RFESD: variants seen among roughly 807,000 people sequenced by gnomAD.
RFESD encodes the protein Rieske domain-containing protein.
In RFESD, 16 loss-of-function variants were observed where a neutral mutation model predicts 24.4. The ratio of observed to expected loss-of-function variants is 0.66; its 90% CI spans 0.44 to 1.00. RFESD has a LOEUF of 1.00. RFESD is among the 50% of genes least tolerant of loss of function. The probability of loss-of-function intolerance (pLI) is 0.00; values close to 1 mark genes in which losing one functional copy is unlikely to be tolerated. For synonymous variants in RFESD, 59 were observed against 81.8 expected, an observed-to-expected ratio of 0.72 and a Z score of 1.50; for missense variants, 208 against 247.0, an observed-to-expected ratio of 0.84 and a Z score of 1.06.
intron 1 of RFESD, chr5:95,647,165 G>C (rs2112487028): frequency 6.6e-6 from 1 of 152,380 alleles, no homozygotes; most frequent in Non-Finnish European, 1.5e-5. Context: ...GGCCGTCCTG[G>C]AGATACTCGC....
intron 2 of RFESD, 105 bp from the exon 3 acceptor site, chr5:95,653,012 G>T: frequency 6.8e-7 from 1 of 1,475,346 alleles, no homozygotes; most frequent in South Asian, 1.4e-5. Context: ...TGCACAACCT[G>T]GCTCCTGCCT....
chr5:95,648,372 TTTCA>T (rs1409608824), intron 1 of RFESD, among the ~76,000 whole-genome samples: 2 of 152,210 alleles, frequency 1.3e-5, no homozygotes, highest in East Asian at 1.9e-4. Context: ...TAATTTTCTG[TTTCA>T]TTCAGTTAAG....
chr5:95,650,060 A>T (rs1336425486), intron 1 of RFESD, among the ~76,000 whole-genome samples: 1 of 152,244 alleles, frequency 6.6e-6, no homozygotes, highest in Non-Finnish European at 1.5e-5. Flanking sequence ...AAATAAAACC[A>T]GATGACCATT....
chr5:95,652,991 A>T, intron 2 of RFESD, 126 bp from the exon 3 acceptor site: 1 of 1,318,298 alleles, frequency 7.6e-7, no homozygotes, highest in South Asian at 1.5e-5. Flanking sequence ...AGTAAAATCC[A>T]TACACAGCAC....
chr5:95,655,507 C>T (rs41276253), intron 5 of RFESD: 2,902 of 152,730 alleles, frequency 0.019, 45 homozygotes, highest in Non-Finnish European at 0.031. Flanking sequence ...TACATTTAAA[C>T]AGAGAGACAT....
intron 1 of RFESD, among the ~76,000 whole-genome samples, chr5:95,649,294 T>G (rs757405107): frequency 3.7e-4 from 57 of 152,194 alleles, no homozygotes; most frequent in Non-Finnish European, 7.1e-4. Flanking sequence ...GAATTCCTTT[T>G]TAAATTTTTC....
At chr5:95,650,113 G>GA (rs1351100414) in intron 1 of RFESD, among the ~76,000 whole-genome samples, 3 of 152,086 alleles carry the variant, frequency 2.0e-5, no homozygotes, top group Non-Finnish European at 4.4e-5. Context: ...AGCTAACCCA[G>GA]AAAATCATGG....
In RFESD at chr5:95,652,815, C is replaced by T. The variant is rs756466338; in HGVS notation, c.61-302C>T. ...TATCCCCTACAGCATCAACCCCCTG[C>T]GGCAAGCCACCACCTTTTTCATGGA... On this transcript the variant is annotated intron_variant, in intron 2 of 5. Coordinates refer to ENST00000380005, the MANE Select transcript of RFESD (RefSeq NM_001131066.2). 1.7e-5 allele frequency: 6 copies of T among 351,258 alleles called. 1 individual carries two copies. Among genetic ancestry groups the T allele is most frequent in the South Asian group, 1.1e-4 (2 of 17,758 alleles). The allele number at this position is 351,258 out of a possible 1,614,324, so 21.8% of individuals were successfully genotyped here.
chr5:95,652,535 TCA>T (rs1374601607), intron 2 of RFESD: 6 of 599,498 alleles, frequency 1.0e-5, no homozygotes, highest in Non-Finnish European at 1.5e-5. Context: ...GCCTTTCTCC[TCA>T]CAGTCTTTGG....
In RFESD at chr5:95,657,459, AGAT is replaced by A. The variant is rs1283107770; in HGVS notation, c.*1156_*1158del. On this transcript the variant is annotated 3_prime_UTR_variant, in exon 6 of 6. Transcript: ENST00000380005. ...GGGACCAGAAATAGCTAAAATGAGT[AGAT>A]GATGAATTCAGAGTGAGAAGAACTG... is the stretch of plus-strand genomic sequence containing the variant. The A allele has an allele frequency of 6.6e-6, 1 of 151,884 alleles. No homozygotes were observed. The highest frequency in any genetic ancestry group is 1.9e-4 in the East Asian group (1 of 5,156). The allele number at this position is 151,884 out of a possible 1,614,324, so 9.4% of individuals were successfully genotyped here. A position where few individuals can be genotyped will look rare whatever the true frequency, so the allele number is the denominator to read the frequency against.
At chr5:95,648,608 A>C (rs988043052) in intron 1 of RFESD, among the ~76,000 whole-genome samples, 2 of 152,180 alleles carry the variant, frequency 1.3e-5, no homozygotes, top group African/African-American at 4.8e-5. Context: ...ATTATTTGAC[A>C]TATAAAATTA....
chr5:95,657,381 A>G lies in RFESD; in HGVS notation c.*1072A>G, dbSNP rs1224898895. On this transcript the variant is annotated 3_prime_UTR_variant, in exon 6 of 6. Transcript: ENST00000380005. The stretch of plus-strand genomic sequence containing the variant: ...CACCCACCATGCAAAAATCAGCAGC[A>G]CATAGTGGTGATTTTTGCATGGTCA... 1.3e-5 allele frequency: 2 copies of G among 151,884 alleles called. No homozygotes were observed. The highest frequency in any genetic ancestry group is 2.9e-5 in the Non-Finnish European group (2 of 67,918). The allele number at this position is 151,884 out of a possible 1,614,324, so 9.4% of individuals were successfully genotyped here.
intron 3 of RFESD, among the ~76,000 whole-genome samples, chr5:95,653,565 G>A (rs539285596): frequency 6.6e-6 from 1 of 152,318 alleles, no homozygotes; most frequent in African/African-American, 2.4e-5. Flanking sequence ...CAGTCTTTAA[G>A]AGTCTCTAAC....
intron 5 of RFESD, chr5:95,655,511 G>T (rs999115803): frequency 6.6e-6 from 1 of 152,664 alleles, no homozygotes; most frequent in Non-Finnish European, 1.5e-5. Context: ...TTTAAACAGA[G>T]AGACATGCAT....
In RFESD at chr5:95,656,078, CT is replaced by C. The variant is rs1750739310; in HGVS notation, c.403del (p.Trp135GlyfsTer18). On this transcript the variant is annotated frameshift_variant, in exon 6 of 6. Transcript: ENST00000380005. LOFTEE classifies it high-confidence loss of function. ...ATGGACGACCGTGTATAGTTTGCCC[CT>C]GGCATAAATACAAAATTACTTTGGC... ...FDGRPCIVCP[W>X]HKYKITLATG... is the part of the protein sequence containing the mutation. 6.2e-7 allele frequency: 1 copy of C among 1,613,462 alleles called. No individual in the cohort carries two copies. Among genetic ancestry groups the C allele is most frequent in the Non-Finnish European group, 8.5e-7 (1 of 1,179,630 alleles).
rs748022086 is a variant in RFESD, at chr5:95,657,286, G to A, written c.*977G>A. Reference sequence around the variant, plus strand: ...GGTTTTATCATGTCAGTTATTTATGGTCAGTACCATTCAGTTGCAATGATG... The same window carrying A: ...GGTTTTATCATGTCAGTTATTTATGATCAGTACCATTCAGTTGCAATGATG... On this transcript the variant is annotated 3_prime_UTR_variant, in exon 6 of 6. Coordinates refer to ENST00000380005, the MANE Select transcript of RFESD (RefSeq NM_001131066.2). The A allele has an allele frequency of 4.0e-5, 6 of 151,886 alleles. No individual in the cohort carries two copies. The highest frequency in any genetic ancestry group is 7.4e-5 in the Non-Finnish European group (5 of 67,988). The allele number at this position is 151,886 out of a possible 1,614,324, so 9.4% of individuals were successfully genotyped here. A position where few individuals can be genotyped will look rare whatever the true frequency, so the allele number is the denominator to read the frequency against.
Position 95,652,303 on chromosome 5 carries a change from C to T in RFESD, c.32C>T (p.Pro11Leu). 4 of 1,550,552 alleles carry T rather than the reference C, an allele frequency of 2.6e-6. No individual in the cohort carries two copies. Among genetic ancestry groups the T allele is most frequent in the East Asian group, 2.4e-5 (1 of 40,872 alleles). MLKCFRNCLR[P>L]SSLSTLPLQY... ...AAGTGTTTCAGGAATTGTCTTAGAC[C>T]TTCTTCCTTATCTACACTTCCTCTC... Residue 11 changes from proline (P) to leucine (L), a missense_variant, in exon 2 of 6, where the codon CCT (proline) becomes CTT (leucine). Transcript: ENST00000380005.
rs1750377851 is a variant in RFESD at position 95,652,194 on chromosome 5, A to ATTC, written c.-78_-77insTTC. 3 of 1,479,934 alleles carry ATTC rather than the reference A, an allele frequency of 2.0e-6. No homozygotes were observed. In the African/African-American group the frequency reaches 4.2e-5, roughly 21 times the overall value. 91.7% of individuals were successfully genotyped at this position (1,479,934 alleles called of 1,614,324 possible). A position where few individuals can be genotyped will look rare whatever the true frequency, so the allele number is the denominator to read the frequency against. On this transcript the variant is annotated 5_prime_UTR_variant, in exon 2 of 6. Coordinates refer to ENST00000380005, the MANE Select transcript of RFESD (RefSeq NM_001131066.2). ...AAGACAGAGAAGAAAGCTGTGAATG[A>ATTC]ATTTCATTTGATTAGCAATAGATTG... is the stretch of plus-strand genomic sequence containing the variant.
intron 1 of RFESD, chr5:95,647,176 C>G (rs765286130): frequency 3.9e-5 from 6 of 152,276 alleles, no homozygotes; most frequent in Non-Finnish European, 8.8e-5. Context: ...AGATACTCGC[C>G]TCCTGGAGTC....
Sources: allele counts gnomAD v4.1 joint callset (sites outside exome capture counted in the v4.1 genomes callset), GRCh38; gene constraint gnomAD v4.1.1; transcripts MANE v1.5; gene names NCBI Gene and HGNC (gene_info 2026-07-23, HGNC 2026-07-21).